Variants in IPO5 observed in about 807,000 individuals in gnomAD.
IPO5 encodes the protein importin 5, also known as importin-5.
In IPO5, 18 loss-of-function variants were observed where a neutral mutation model predicts 143.3. The ratio of observed to expected loss-of-function variants is 0.13; its 90% CI spans 0.09 to 0.19. The LOEUF (loss-of-function observed/expected upper bound fraction) is 0.19. Ranked by LOEUF, IPO5 falls within the 10% of genes least tolerant of loss-of-function variation. The pLI, the probability that IPO5 is intolerant of heterozygous loss-of-function variation, is 1.00. For synonymous variants in IPO5, 477 were observed against 465.7 expected, an observed-to-expected ratio of 1.02 and a Z score of -0.31; for missense variants, 1,013 against 1,336.9, an observed-to-expected ratio of 0.76 and a Z score of 3.78.
At chr13:98,000,949 AACTC>A in intron 13 of IPO5, 1 of 326,700 alleles carries the variant, frequency 3.1e-6, no homozygotes. Context: ...TAAAAGAAGA[AACTC>A]TATCTAATGT....
In IPO5 at chr13:98,022,026, C is replaced by T. The variant is rs1890529619; in HGVS notation, c.*204C>T. On this transcript the variant is annotated 3_prime_UTR_variant, in exon 29 of 29. Transcript: ENST00000651721. ...TTCTACCAGACCACTGAAGGAGTTCCTGGAAGCCCTGCGGTAGCTAGCACT... is the reference window on the plus strand; with the variant it reads ...TTCTACCAGACCACTGAAGGAGTTCTTGGAAGCCCTGCGGTAGCTAGCACT... 2.5e-6 allele frequency: 1 copy of T among 401,970 alleles called. No individual in the cohort carries two copies. The highest frequency in any genetic ancestry group is 4.5e-6 in the Non-Finnish European group (1 of 223,238). The allele number at this position is 401,970 out of a possible 1,614,324, so 24.9% of individuals were successfully genotyped here.
At chr13:97,970,438 G>A (rs868315998) in intron 3 of IPO5, among the ~76,000 whole-genome samples, 47 of 152,108 alleles carry the variant, frequency 3.1e-4, no homozygotes, top group African/African-American at 1.0e-3. Context: ...GGCCAAGATG[G>A]TGAAACCCCG....
intron 2 of IPO5, among the ~76,000 whole-genome samples, chr13:97,954,770 G>A (rs1447817795): frequency 6.6e-6 from 1 of 152,114 alleles, no homozygotes; most frequent in Admixed American, 6.6e-5. Flanking sequence ...CTTTATTATA[G>A]AATGTTTAAT....
At chr13:97,992,194 G>A (rs919986338) in intron 9 of IPO5, among the ~76,000 whole-genome samples, 1 of 152,082 alleles carries the variant, frequency 6.6e-6, no homozygotes, top group Non-Finnish European at 1.5e-5. Context: ...ATCTAATCCC[G>A]GTTTTCTTCC....
chr13:97,975,255 G>C (rs1886174215), intron 3 of IPO5, among the ~76,000 whole-genome samples: 1 of 134,064 alleles, frequency 7.5e-6, no homozygotes, highest in African/African-American at 2.7e-5. Context: ...GGGAGGGCGG[G>C]GGGGGCTGGT....
intron 7 of IPO5, 52 bp downstream of exon 7, chr13:97,989,216 A>C: frequency 1.1e-6 from 1 of 871,342 alleles, no homozygotes; most frequent in Non-Finnish European, 1.9e-6. Flanking sequence ...GAATGCCCTA[A>C]ACACCTTTTA....
chr13:97,979,903 TA>T (rs1053064270), intron 4 of IPO5: 5 of 456,602 alleles, frequency 1.1e-5, no homozygotes, highest in African/African-American at 1.0e-4. Context: ...TGTTAATAGA[TA>T]AAAGTCATGT....
chr13:97,977,004 TC>T, intron 4 of IPO5: 1 of 204,958 alleles, frequency 4.9e-6, no homozygotes, highest in Admixed American at 5.0e-5. Flanking sequence ...ACCAGTTACC[TC>T]CCCGCCGCCG....
At position 97,976,711 on chromosome 13, in the gene IPO5, G is replaced by A. The variant is rs1415740734; in HGVS notation, c.15G>A (p.Ala5=). ...CGCCTAGCGCAATGGCGGCGGCCGCGGCGGAGCAGCAACAGTTCTACCTGC... is the reference window on the plus strand; with the variant it reads ...CGCCTAGCGCAATGGCGGCGGCCGCAGCGGAGCAGCAACAGTTCTACCTGC... MAAA[A]AEQQQFYLLL... is the part of the protein sequence containing the mutation. Residue 5 remains alanine, a synonymous_variant, in exon 4 of 29, where the codon GCG becomes GCA. Transcript: ENST00000651721. The A allele has an allele frequency of 1.4e-6, 2 of 1,386,166 alleles. No homozygotes were observed. Among genetic ancestry groups the A allele is most frequent in the Non-Finnish European group, 1.9e-6 (2 of 1,044,136 alleles). 85.9% of individuals were successfully genotyped at this position (1,386,166 alleles called of 1,614,324 possible).
Position 98,015,585 on chromosome 13 carries a change from G to A in IPO5, c.2381G>A (p.Gly794Glu). ...AATAATGAACACTTTGAAGAACTGG[G>A]AGGTATATTGAAAGCAAAGCTTGAA... ...CLNNEHFEEL[G>E]GILKAKLEEH... The change falls in exon 23 of 29, where the codon GGA becomes GAA. Residue 794 changes from glycine (G) to glutamate (E), a missense_variant. Transcript: ENST00000651721. The A allele has an allele frequency of 6.2e-7, 1 of 1,612,794 alleles. No individual in the cohort carries two copies. Among genetic ancestry groups the A allele is most frequent in the Non-Finnish European group, 8.5e-7 (1 of 1,179,032 alleles).
intron 2 of IPO5, among the ~76,000 whole-genome samples, chr13:97,963,738 GC>G (rs1360513688): frequency 7.9e-5 from 12 of 152,002 alleles, no homozygotes; most frequent in Non-Finnish European, 1.6e-4. Flanking sequence ...TTTTTCGACT[GC>G]TTTGGTTACT....
At chr13:98,017,397 A>G (rs1025392054) in intron 25 of IPO5, among the ~76,000 whole-genome samples, 1 of 151,832 alleles carries the variant, frequency 6.6e-6, no homozygotes, top group Non-Finnish European at 1.5e-5. Flanking sequence ...CAGTGGTGCA[A>G]TCTCGGCTCA....
chr13:97,967,556 G>A (rs1019912181), intron 2 of IPO5, among the ~76,000 whole-genome samples: 5 of 152,038 alleles, frequency 3.3e-5, no homozygotes, highest in Admixed American at 3.3e-4. Flanking sequence ...GTGTCCCTAT[G>A]AGCATTGCTA....
chr13:97,980,084 T>G (rs1459388604), intron 4 of IPO5: 2 of 385,778 alleles, frequency 5.2e-6, no homozygotes, highest in Non-Finnish European at 1.0e-5. Flanking sequence ...AAATTTTGTT[T>G]GCCACAACTG....
chr13:97,957,576 A>T (rs1330208228), intron 2 of IPO5, among the ~76,000 whole-genome samples: 1 of 152,196 alleles, frequency 6.6e-6, no homozygotes, highest in Non-Finnish European at 1.5e-5. Context: ...ATTAGTTGGT[A>T]GGAGGCCTAA....
intron 16 of IPO5, among the ~76,000 whole-genome samples, chr13:98,005,594 C>T (rs9584740): frequency 0.048 from 7,237 of 151,898 alleles, 487 homozygotes; most frequent in African/African-American, 0.15. Context: ...TCAGAGAACA[C>T]CAGATCTTTG....
chr13:97,992,184 A>ATC (rs1425758010), intron 9 of IPO5, among the ~76,000 whole-genome samples: 2 of 152,250 alleles, frequency 1.3e-5, no homozygotes, highest in Non-Finnish European at 2.9e-5. Context: ...TACTGTTGAA[A>ATC]TCTAATCCCG....
rs746559722 is a variant in IPO5 at position 97,993,261 on chromosome 13, G to T, written c.913+36G>T. ...GGTCTTCAGATAGTTTATGTGTATTGTGGCCAAATTTTTGGATAAATTTGC... is the reference window on the plus strand; with the variant it reads ...GGTCTTCAGATAGTTTATGTGTATTTTGGCCAAATTTTTGGATAAATTTGC... On this transcript the variant is annotated intron_variant, in intron 11 of 28. Coordinates refer to ENST00000651721, the MANE Select transcript of IPO5 (RefSeq NM_002271.6). The T allele has an allele frequency of 3.8e-6, 6 of 1,584,772 alleles. No homozygotes were observed. In the Admixed American group the frequency reaches 1.1e-4, roughly 28 times the overall value.
At position 98,022,703 on chromosome 13, in the gene IPO5, C is replaced by A. The variant is rs1890568119; in HGVS notation, c.*881C>A. ...ACCTATTCCATTCACAATTGGTGTT[C>A]TTTTTAAGGTTTGCAAATTTCAGCC... is the stretch of plus-strand genomic sequence containing the variant. On this transcript the variant is annotated 3_prime_UTR_variant, in exon 29 of 29. Transcript: ENST00000651721. 2 of 152,090 alleles carry A rather than the reference C, an allele frequency of 1.3e-5. No homozygotes were observed. The highest frequency in any genetic ancestry group is 1.3e-4 in the Admixed American group (2 of 15,272). 9.4% of individuals were successfully genotyped at this position (152,090 alleles called of 1,614,324 possible).
Sources: gnomAD v4.1 joint callset for allele counts (sites outside exome capture counted in the v4.1 genomes callset) on GRCh38, gnomAD v4.1.1 for gene constraint, MANE v1.5 for transcripts, NCBI Gene and HGNC (gene_info 2026-07-23, HGNC 2026-07-21) for gene names.